Variants in SLC44A1 observed in about 807,000 individuals in gnomAD.
The protein encoded by SLC44A1 is choline transporter-like protein 1.
Under a neutral mutation model 79.3 loss-of-function variants are expected in SLC44A1, and 26 were observed. The observed-to-expected ratio is 0.33, with a 90% CI of 0.24 to 0.46. The LOEUF (loss-of-function observed/expected upper bound fraction) is 0.46. Among genes scored for constraint, SLC44A1 ranks in the 20% least tolerant of loss-of-function variants. The probability of loss-of-function intolerance (pLI) is 1.00; values close to 1 mark genes in which losing one functional copy is unlikely to be tolerated. For synonymous variants in SLC44A1, 263 were observed against 286.2 expected, an observed-to-expected ratio of 0.92 and a Z score of 0.82; for missense variants, 688 against 798.1, an observed-to-expected ratio of 0.86 and a Z score of 1.66.
In SLC44A1 at chr9:105,390,100, A is replaced by T; in HGVS notation, c.*1044A>T. The T allele has an allele frequency of 8.7e-6, 11 of 1,270,128 alleles. No individual in the cohort carries two copies. The highest frequency in any genetic ancestry group is 1.1e-5 in the Non-Finnish European group (11 of 1,001,482). 78.7% of individuals were successfully genotyped at this position (1,270,128 alleles called of 1,614,324 possible). ...CTCCTTGGCAATTCATTGAGTATCCAGAGTTCTACGATGTTTAACTGAAGA... is the reference window on the plus strand; with the variant it reads ...CTCCTTGGCAATTCATTGAGTATCCTGAGTTCTACGATGTTTAACTGAAGA... On this transcript the variant is annotated 3_prime_UTR_variant, in exon 16 of 16. Transcript: ENST00000374720.
intron 1 of SLC44A1, among the ~76,000 whole-genome samples, chr9:105,248,159 T>G (rs1276785303): frequency 6.6e-6 from 1 of 152,246 alleles, no homozygotes; most frequent in African/African-American, 2.4e-5. Flanking sequence ...CAGCAGTATC[T>G]TCAGCAACTT....
intron 1 of SLC44A1, among the ~76,000 whole-genome samples, chr9:105,257,786 C>A (rs565680094): frequency 2.6e-4 from 39 of 152,154 alleles, no homozygotes; most frequent in African/African-American, 8.9e-4. Context: ...AACAGTTGGT[C>A]AAAGGCAAGG....
chr9:105,400,259 G>C (rs1281827148), downstream of SLC44A1, among the ~76,000 whole-genome samples: 1 of 152,064 alleles, frequency 6.6e-6, no homozygotes, highest in Non-Finnish European at 1.5e-5. Flanking sequence ...GGGAGGCTGA[G>C]GCAGGTGGAT....
chr9:105,412,415 A>G (rs1829108709), intron 15 of SLC44A1, among the ~76,000 whole-genome samples: 1 of 152,142 alleles, frequency 6.6e-6, no homozygotes, highest in Non-Finnish European at 1.5e-5. Flanking sequence ...ACGCAACCAG[A>G]TGTTCCAAGC....
At chr9:105,288,082 C>G (rs1830516877) in intron 1 of SLC44A1, among the ~76,000 whole-genome samples, 1 of 152,130 alleles carries the variant, frequency 6.6e-6, no homozygotes, top group African/African-American at 2.4e-5. Context: ...AAAATTGCAT[C>G]ATCCCTTTCT....
chr9:105,415,806 A>T (rs1460057184), intron 15 of SLC44A1, among the ~76,000 whole-genome samples: 1 of 151,656 alleles, frequency 6.6e-6, no homozygotes, highest in Non-Finnish European at 1.5e-5. Context: ...TCCTTCGATT[A>T]TCTTACATGT....
intron 2 of SLC44A1, among the ~76,000 whole-genome samples, chr9:105,304,063 A>G (rs1204958670): frequency 6.6e-6 from 1 of 152,226 alleles, no homozygotes; most frequent in Non-Finnish European, 1.5e-5. Flanking sequence ...AAGGAGAAGC[A>G]GTTAGAAATG....
At chr9:105,248,971 C>T (rs918155542) in intron 1 of SLC44A1, among the ~76,000 whole-genome samples, 1 of 152,158 alleles carries the variant, frequency 6.6e-6, no homozygotes, top group Admixed American at 6.5e-5. Context: ...GGAGATTTTG[C>T]AAGTTCTGTG....
intron 1 of SLC44A1, among the ~76,000 whole-genome samples, chr9:105,268,474 C>T (rs1830008791): frequency 6.6e-6 from 1 of 152,080 alleles, no homozygotes. Flanking sequence ...CTATCCAAAT[C>T]TCTTTCATTG....
chr9:105,360,791 C>T (rs10991641), intron 7 of SLC44A1, among the ~76,000 whole-genome samples: 3,740 of 152,256 alleles, frequency 0.025, 53 homozygotes, highest in Middle Eastern at 0.048. Flanking sequence ...AAGATCCTTG[C>T]CCTCTTTAAG....
At chr9:105,272,060 T>C (rs909388382) in intron 1 of SLC44A1, among the ~76,000 whole-genome samples, 6 of 152,244 alleles carry the variant, frequency 3.9e-5, no homozygotes, top group African/African-American at 1.4e-4. Flanking sequence ...TTTCCTCATC[T>C]TCAACAGTAT....
intron 1 of SLC44A1, among the ~76,000 whole-genome samples, chr9:105,252,011 C>T (rs1053277155): frequency 3.3e-5 from 5 of 152,026 alleles, no homozygotes; most frequent in Admixed American, 6.6e-5. Context: ...ATGGTCTTTA[C>T]GTTTTTAAGT....
At chr9:105,364,126 A>C (rs1384350991) in intron 9 of SLC44A1, among the ~76,000 whole-genome samples, 3 of 152,206 alleles carry the variant, frequency 2.0e-5, no homozygotes, top group African/African-American at 7.2e-5. Context: ...TATCATAAGG[A>C]TAGTAAACTT....
chr9:105,270,904 G>A (rs868856066), intron 1 of SLC44A1, among the ~76,000 whole-genome samples: 29 of 152,278 alleles, frequency 1.9e-4, no homozygotes, highest in African/African-American at 6.3e-4. Flanking sequence ...TTAGTTCAGA[G>A]CCCTTTGGAT....
intron 15 of SLC44A1, among the ~76,000 whole-genome samples, chr9:105,387,052 A>ATATATATATAT (rs1420631281): frequency 2.4e-3 from 3 of 1,264 alleles, no homozygotes; most frequent in African/African-American, 3.8e-3. Flanking sequence ...AAAAAAAAAA[A>ATATATATATAT]AAAAAAAAAT....
chr9:105,292,155 C>G (rs906428075), intron 1 of SLC44A1, among the ~76,000 whole-genome samples: 1 of 152,138 alleles, frequency 6.6e-6, no homozygotes, highest in Non-Finnish European at 1.5e-5. Context: ...AGTTCTCTGG[C>G]TTAGTCTGGG....
At position 105,275,278 on chromosome 9, in the gene SLC44A1, A is replaced by G. The variant is rs368503567; in HGVS notation, c.37-23942A>G. On this transcript the variant is annotated intron_variant, in intron 1 of 15. Coordinates refer to ENST00000374720, the MANE Select transcript of SLC44A1 (RefSeq NM_080546.5). Reference sequence around the variant, plus strand: ...CTTCAGCTTTGATTTTAGCTCTTTCATGGAAAATAATGTGTTTTACAGCAT... The same window carrying G: ...CTTCAGCTTTGATTTTAGCTCTTTCGTGGAAAATAATGTGTTTTACAGCAT... Among the ~76,000 whole-genome samples, 20 of 152,280 alleles carry G rather than the reference A, an allele frequency of 1.3e-4. No individual in the cohort carries two copies. The East Asian group carries it at 3.1e-3, about 23-fold the overall frequency.
intron 1 of SLC44A1, among the ~76,000 whole-genome samples, chr9:105,250,375 TAACAG>T (rs1829555776): frequency 6.6e-6 from 1 of 152,206 alleles, no homozygotes; most frequent in Non-Finnish European, 1.5e-5. Context: ...TTTGATGTGT[TAACAG>T]TACAGTCATT....
chr9:105,319,592 G>A (rs1826321315), intron 3 of SLC44A1, among the ~76,000 whole-genome samples: 1 of 152,022 alleles, frequency 6.6e-6, no homozygotes, highest in South Asian at 2.1e-4. Context: ...CAACATTGTT[G>A]GTCTTTCTAG....
Sources: gnomAD v4.1 joint callset for allele counts (sites outside exome capture counted in the v4.1 genomes callset) on GRCh38, gnomAD v4.1.1 for gene constraint, MANE v1.5 for transcripts, NCBI Gene and HGNC (gene_info 2026-07-23, HGNC 2026-07-21) for gene names.